CSMD1: variants seen among roughly 807,000 people sequenced by gnomAD.
The protein encoded by CSMD1 is CUB and Sushi multiple domains 1.
Under a neutral mutation model 417.5 loss-of-function variants are expected in CSMD1, and 213 were observed. That is an observed-to-expected ratio of 0.51 (90% CI 0.46 to 0.57). The LOEUF (loss-of-function observed/expected upper bound fraction) is 0.57. CSMD1 is among the 20% of genes least tolerant of loss of function. The pLI is 0.00. For missense variants in CSMD1, 6,923 were observed against 4,529.7 expected (o/e 1.53, Z -15.17); for synonymous variants, 2,862 against 1,736.8 (o/e 1.65, Z -16.11).
At chr8:4,198,742 A>G (rs1799482430) in intron 3 of CSMD1, among the ~76,000 whole-genome samples, 1 of 152,162 alleles carries the variant, frequency 6.6e-6, no homozygotes, top group Non-Finnish European at 1.5e-5. Context: ...TTTGTAATCT[A>G]TACTTTCTAT....
At chr8:3,006,458 T>C (rs1309197399) in intron 52 of CSMD1, among the ~76,000 whole-genome samples, 1 of 151,984 alleles carries the variant, frequency 6.6e-6, no homozygotes, top group Non-Finnish European at 1.5e-5. Context: ...AGAGCCCGAA[T>C]CACCAAGTCA....
At chr8:3,596,777 A>AAC (rs745797757) in intron 8 of CSMD1, among the ~76,000 whole-genome samples, 1 of 151,920 alleles carries the variant, frequency 6.6e-6, no homozygotes, top group Non-Finnish European at 1.5e-5. Flanking sequence ...GGCACACACA[A>AAC]ACACACACAC....
chr8:3,434,748 G>C (rs756077977), intron 12 of CSMD1, among the ~76,000 whole-genome samples: 10 of 152,148 alleles, frequency 6.6e-5, no homozygotes, highest in Non-Finnish European at 1.3e-4. Context: ...TCCGCAGATA[G>C]CTTGTCTGCT....
chr8:3,807,243 G>C (rs942314408), intron 5 of CSMD1, among the ~76,000 whole-genome samples: 1 of 152,114 alleles, frequency 6.6e-6, no homozygotes, highest in Non-Finnish European at 1.5e-5. Flanking sequence ...TAATGCCATA[G>C]TAATTTCCAT....
At chr8:3,194,181 T>C (rs954815798) in intron 33 of CSMD1, among the ~76,000 whole-genome samples, 4 of 152,202 alleles carry the variant, frequency 2.6e-5, no homozygotes, top group Admixed American at 2.0e-4. Flanking sequence ...TTATAGGCTC[T>C]TGACACAAAT....
chr8:4,221,011 C>T (rs776888823), intron 3 of CSMD1, among the ~76,000 whole-genome samples: 25 of 152,078 alleles, frequency 1.6e-4, no homozygotes, highest in South Asian at 4.2e-4. Context: ...GCCATGTGCC[C>T]GCAGGAGGAG....
At chr8:4,632,958 G>A (rs1041575926) in intron 2 of CSMD1, among the ~76,000 whole-genome samples, 13 of 152,162 alleles carry the variant, frequency 8.5e-5, no homozygotes, top group Admixed American at 3.9e-4. Context: ...ACAAACGGGA[G>A]GGACTGAAGG....
At chr8:4,285,945 T>C (rs1004663587) in intron 3 of CSMD1, among the ~76,000 whole-genome samples, 1 of 152,174 alleles carries the variant, frequency 6.6e-6, no homozygotes, top group Non-Finnish European at 1.5e-5. Context: ...GGCTATGATA[T>C]ATCCGCAATG....
At chr8:3,509,371 G>T (rs1221170894) in intron 10 of CSMD1, among the ~76,000 whole-genome samples, 1 of 152,118 alleles carries the variant, frequency 6.6e-6, no homozygotes, top group East Asian at 1.9e-4. Context: ...TTTGTCATAA[G>T]AAAAAATAAT....
chr8:4,228,451 C>G (rs1801500811), intron 3 of CSMD1, among the ~76,000 whole-genome samples: 1 of 152,116 alleles, frequency 6.6e-6, no homozygotes, highest in Admixed American at 6.5e-5. Context: ...CTCAGGTCAC[C>G]TGAAAGCAGC....
chr8:3,310,864 G>A (rs1805283583), intron 23 of CSMD1, among the ~76,000 whole-genome samples: 1 of 151,664 alleles, frequency 6.6e-6, no homozygotes, highest in African/African-American at 2.4e-5. Context: ...CGTTTTTCAA[G>A]GGGCAAAAGA....
At chr8:4,630,885 C>T (rs560938953) in intron 2 of CSMD1, among the ~76,000 whole-genome samples, 16 of 152,314 alleles carry the variant, frequency 1.1e-4, no homozygotes, top group African/African-American at 3.6e-4. Context: ...CTCCCTCACC[C>T]TGTGCTGGTC....
chr8:4,778,671 C>T (rs911480733), intron 1 of CSMD1, among the ~76,000 whole-genome samples: 1 of 152,206 alleles, frequency 6.6e-6, no homozygotes. Context: ...GAGTCAAATA[C>T]ACCTGAGTAG....
chr8:4,910,595 C>G (rs575835889), intron 1 of CSMD1, among the ~76,000 whole-genome samples: 1 of 152,258 alleles, frequency 6.6e-6, no homozygotes, highest in African/African-American at 2.4e-5. Context: ...TCCTCATAAC[C>G]TAATCACTTC....
chr8:4,918,171 G>A (rs1165527357), intron 1 of CSMD1, among the ~76,000 whole-genome samples: 2 of 152,170 alleles, frequency 1.3e-5, no homozygotes, highest in East Asian at 1.9e-4. Context: ...TGTTGGTGTT[G>A]GTGACTCCTG....
intron 10 of CSMD1, among the ~76,000 whole-genome samples, chr8:3,545,844 G>C (rs933088611): frequency 2.0e-5 from 3 of 152,154 alleles, no homozygotes; most frequent in African/African-American, 7.2e-5. Flanking sequence ...GAGTCTATTG[G>C]CCACAAAAAG....
At chr8:2,975,808 C>T (rs920501329) in intron 55 of CSMD1, among the ~76,000 whole-genome samples, 8 of 152,090 alleles carry the variant, frequency 5.3e-5, no homozygotes, top group African/African-American at 1.7e-4. Flanking sequence ...CCCAAAGTGA[C>T]GACAATTCCA....
At chr8:3,538,330 G>A (rs774046194) in intron 10 of CSMD1, among the ~76,000 whole-genome samples, 1 of 152,092 alleles carries the variant, frequency 6.6e-6, no homozygotes, top group Non-Finnish European at 1.5e-5. Context: ...CCTCATCTGA[G>A]ATTATGCAAC....
intron 3 of CSMD1, among the ~76,000 whole-genome samples, chr8:4,052,653 T>C (rs895040857): frequency 6.6e-6 from 1 of 152,170 alleles, no homozygotes; most frequent in African/African-American, 2.4e-5. Context: ...TGGAAAAGAA[T>C]TCTGATAGAA....
Sources: allele counts gnomAD v4.1 joint callset (sites outside exome capture counted in the v4.1 genomes callset), GRCh38; gene constraint gnomAD v4.1.1; transcripts MANE v1.5; gene names NCBI Gene and HGNC (gene_info 2026-07-23, HGNC 2026-07-21).